The following RGS9 variants were observed in gnomAD, a reference collection of about 807,000 sequenced individuals.
RGS9 encodes the protein regulator of G protein signaling 9.
A neutral mutation model predicts 102.0 loss-of-function variants in RGS9; 78 were observed. The ratio of observed to expected loss-of-function variants is 0.76; its 90% CI spans 0.64 to 0.92. RGS9 has a LOEUF of 0.92. RGS9 is among the 40% of genes least tolerant of loss of function. RGS9 has a pLI of 0.00. For missense variants in RGS9, 833 were observed against 866.1 expected, an observed-to-expected ratio of 0.96 and a Z score of 0.48; for synonymous variants, 353 against 318.6, an observed-to-expected ratio of 1.11 and a Z score of -1.15.
Position 65,204,226 on chromosome 17 carries a change from A to G in RGS9, c.1128A>G (p.Thr376=). The G allele has an allele frequency of 1.2e-6, 2 of 1,613,488 alleles. No individual in the cohort carries two copies. Among genetic ancestry groups the G allele is most frequent in the Non-Finnish European group, 1.7e-6 (2 of 1,180,032 alleles). Residue 376 remains threonine, a synonymous_variant, in exon 15 of 19, where the codon ACA becomes ACG. Transcript: ENST00000262406. ...INIDGKTMDI[T]VKGLKHPHRY... ...TAGATGGCAAAACCATGGACATCAC[A>G]GTGAAGGGGCTGAAGCACCCCCACC...
intron 17 of RGS9, among the ~76,000 whole-genome samples, chr17:65,211,794 G>T (rs1223763078): frequency 1.3e-5 from 2 of 152,232 alleles, no homozygotes; most frequent in Admixed American, 1.3e-4. Flanking sequence ...TAAAACAGAC[G>T]TGGTTCTCTC....
At chr17:65,219,874 CCAT>C (rs1224951970) in intron 17 of RGS9, among the ~76,000 whole-genome samples, 7 of 151,266 alleles carry the variant, frequency 4.6e-5, no homozygotes, top group Non-Finnish European at 1.5e-5. Context: ...CACCATCATA[CCAT>C]CATCACCATC....
intron 8 of RGS9, among the ~76,000 whole-genome samples, chr17:65,175,294 A>G (rs994078219): frequency 4.0e-5 from 6 of 151,804 alleles, no homozygotes; most frequent in Admixed American, 6.6e-5. Context: ...TGAGTGTGAG[A>G]GTGTGTGAAC....
intron 9 of RGS9, among the ~76,000 whole-genome samples, chr17:65,181,908 T>C (rs942218292): frequency 6.6e-6 from 1 of 152,234 alleles, no homozygotes; most frequent in Admixed American, 6.5e-5. Context: ...GCTGGTATTA[T>C]TCTAAATGTT....
intron 17 of RGS9, among the ~76,000 whole-genome samples, chr17:65,224,635 G>A (rs910896461): frequency 3.3e-5 from 5 of 152,318 alleles, no homozygotes; most frequent in African/African-American, 7.2e-5. Flanking sequence ...GGCATGGGCT[G>A]TGGCAGGTAC....
intron 12 of RGS9, among the ~76,000 whole-genome samples, chr17:65,195,988 A>C (rs2144077831): frequency 6.6e-6 from 1 of 152,364 alleles, no homozygotes; most frequent in East Asian, 1.9e-4. Context: ...AATCTGTTTC[A>C]ATGCATCTTC....
chr17:65,189,957 T>C (rs902456989), intron 10 of RGS9, among the ~76,000 whole-genome samples: 20 of 152,104 alleles, frequency 1.3e-4, no homozygotes, highest in African/African-American at 3.6e-4. Context: ...TGATGCTTTT[T>C]CCCAGACTAA....
chr17:65,224,901 T>C (rs982496500), intron 17 of RGS9, 101 bp from the exon 18 acceptor site: 2 of 1,521,120 alleles, frequency 1.3e-6, no homozygotes, highest in African/African-American at 1.4e-5. Context: ...CCCGCACTCT[T>C]GTCGCTGGAA....
At chr17:65,211,205 C>T (rs940539225) in intron 17 of RGS9, among the ~76,000 whole-genome samples, 2 of 152,182 alleles carry the variant, frequency 1.3e-5, no homozygotes, top group Non-Finnish European at 2.9e-5. Context: ...TGAGGATCCG[C>T]CGAGGGGCTA....
chr17:65,148,781 C>T (rs745612359), intron 1 of RGS9, among the ~76,000 whole-genome samples: 3 of 152,050 alleles, frequency 2.0e-5, no homozygotes, highest in East Asian at 1.9e-4. Context: ...CTCCTGGGCT[C>T]GAGTGATCTT....
chr17:65,159,012 T>C (rs926661403), intron 3 of RGS9, among the ~76,000 whole-genome samples: 5 of 152,182 alleles, frequency 3.3e-5, no homozygotes, highest in African/African-American at 1.2e-4. Context: ...TTACATGGCC[T>C]GTTCCTGACT....
chr17:65,184,808 T>C (rs56402029), intron 9 of RGS9, among the ~76,000 whole-genome samples: 1 of 124,766 alleles, frequency 8.0e-6, no homozygotes, highest in Non-Finnish European at 1.6e-5. Context: ...TTCTTTCTCT[T>C]TCTTTCCTCT....
rs1469742493 is a variant in RGS9, at chr17:65,173,234, C to G, written c.583-4498C>G. 6.6e-6 allele frequency among the ~76,000 whole-genome samples: 1 copy of G among 152,096 alleles called. No individual in the cohort carries two copies. The highest frequency in any genetic ancestry group is 1.9e-4 in the East Asian group (1 of 5,184). On this transcript the variant is annotated intron_variant, in intron 8 of 18. Coordinates refer to ENST00000262406, the MANE Select transcript of RGS9 (RefSeq NM_003835.4). The surrounding 1 kb of genome is among the most constrained non-coding windows in gnomAD (Gnocchi z 4.8). The stretch of plus-strand genomic sequence containing the variant: ...ACCGCGCCTGGCCTCATCTCTATTT[C>G]TTTCCCCTGTCTTATTTTGTTTAGA...
intron 7 of RGS9, 92 bp downstream of exon 7, chr17:65,163,181 T>TA: frequency 3.1e-6 from 2 of 652,006 alleles, no homozygotes; most frequent in Non-Finnish European, 4.8e-6. Context: ...TTTTTATTTT[T>TA]ATTTTTTTTT....
intron 14 of RGS9, among the ~76,000 whole-genome samples, chr17:65,202,408 GGTGTGTGTGTGTGTGT>G (rs746368093): frequency 1.5e-5 from 2 of 132,342 alleles, no homozygotes; most frequent in Non-Finnish European, 3.1e-5. Context: ...TGTCCTGAGG[GGTGTGTGTGTGTGTGT>G]GTGTGTGTGT....
chr17:65,165,156 A>C (rs1911129447), intron 7 of RGS9, among the ~76,000 whole-genome samples: 1 of 151,922 alleles, frequency 6.6e-6, no homozygotes, highest in Admixed American at 6.5e-5. Context: ...TATCCCAGCA[A>C]CCCACAGGAC....
At chr17:65,167,930 C>A (rs567107928) in intron 7 of RGS9, among the ~76,000 whole-genome samples, 1 of 152,256 alleles carries the variant, frequency 6.6e-6, no homozygotes, top group Non-Finnish European at 1.5e-5. Flanking sequence ...GCATTCACCC[C>A]CTCTTCATTT....
chr17:65,151,340 T>TC (rs759962371), intron 1 of RGS9, among the ~76,000 whole-genome samples: 7 of 119,238 alleles, frequency 5.9e-5, no homozygotes, highest in African/African-American at 1.4e-4. Context: ...GGAAGACCTG[T>TC]CCCAAAAAAA....
intron 9 of RGS9, among the ~76,000 whole-genome samples, chr17:65,179,584 G>T (rs989194155): frequency 6.6e-6 from 1 of 151,812 alleles, no homozygotes; most frequent in African/African-American, 2.4e-5. Flanking sequence ...GAGATGGGGG[G>T]GTGGGAACAA....
Sources: gnomAD v4.1 joint callset for allele counts (sites outside exome capture counted in the v4.1 genomes callset) on GRCh38, gnomAD v4.1.1 for gene constraint, Gnocchi (gnomAD v3.1) non-coding constraint, MANE v1.5 for transcripts, NCBI Gene and HGNC (gene_info 2026-07-23, HGNC 2026-07-21) for gene names.